Variants in RBM20 observed in about 807,000 individuals in gnomAD.
RBM20 encodes RNA-binding protein 20.
RBM20 carries 51 observed loss-of-function variants against 110.1 expected under a neutral mutation model. That is an observed-to-expected ratio of 0.46 (90% CI 0.37 to 0.59). The LOEUF (loss-of-function observed/expected upper bound fraction) is 0.59. RBM20 is among the 20% of genes least tolerant of loss of function. The pLI is 0.00. For missense variants in RBM20, 1,512 were observed against 1,574.9 expected (o/e 0.96, Z 0.68); for synonymous variants, 589 against 618.2 (o/e 0.95, Z 0.70).
intron 1 of RBM20, among the ~76,000 whole-genome samples, chr10:110,724,227 C>T (rs558644068): frequency 6.6e-6 from 1 of 152,248 alleles, no homozygotes; most frequent in African/African-American, 2.4e-5. Flanking sequence ...AATGACCAAA[C>T]AAAACAAAAC....
At chr10:110,826,448 A>G (rs1844982000) in intron 12 of RBM20, among the ~76,000 whole-genome samples, 2 of 152,094 alleles carry the variant, frequency 1.3e-5, no homozygotes, top group African/African-American at 4.8e-5. Flanking sequence ...TTCTGTCACT[A>G]AATATTAGTT....
At chr10:110,732,221 T>C (rs1843627027) in intron 1 of RBM20, among the ~76,000 whole-genome samples, 2 of 152,198 alleles carry the variant, frequency 1.3e-5, no homozygotes, top group South Asian at 2.1e-4. Context: ...TCATCTCCAC[T>C]TTTTTCTATT....
intron 9 of RBM20, among the ~76,000 whole-genome samples, chr10:110,814,356 G>T (rs1227559605): frequency 1.3e-5 from 2 of 149,790 alleles, no homozygotes; most frequent in African/African-American, 2.5e-5. Flanking sequence ...TATACAATGG[G>T]ACTCATGCCA....
chr10:110,712,213 T>C (rs986187813), intron 1 of RBM20, among the ~76,000 whole-genome samples: 1 of 152,172 alleles, frequency 6.6e-6, no homozygotes, highest in African/African-American at 2.4e-5. Flanking sequence ...TAATTGTGAG[T>C]TCATGTATGG....
chr10:110,678,204 T>C (rs1029823289), intron 1 of RBM20, among the ~76,000 whole-genome samples: 1 of 152,200 alleles, frequency 6.6e-6, no homozygotes, highest in African/African-American at 2.4e-5. Flanking sequence ...TACTCAAAAG[T>C]TTATCCACAC....
At chr10:110,779,004 A>G (rs4147101) in intron 1 of RBM20, among the ~76,000 whole-genome samples, 68,111 of 152,034 alleles carry the variant, frequency 0.45, 15,437 homozygotes, top group East Asian at 0.52. Context: ...TATTCCTTAT[A>G]CTAGTTAGGT....
chr10:110,669,154 G>A (rs755647017), intron 1 of RBM20, among the ~76,000 whole-genome samples: 4 of 152,164 alleles, frequency 2.6e-5, no homozygotes, highest in Admixed American at 6.5e-5. Flanking sequence ...TGGAGAATAA[G>A]CAGAAGATTA....
At chr10:110,728,438 A>G (rs538530770) in intron 1 of RBM20, among the ~76,000 whole-genome samples, 40 of 151,954 alleles carry the variant, frequency 2.6e-4, no homozygotes, top group African/African-American at 9.4e-4. Flanking sequence ...TTTTTTTTGG[A>G]TAAGGTTGAT....
At chr10:110,724,394 G>A (rs17829675) in intron 1 of RBM20, among the ~76,000 whole-genome samples, 15,164 of 152,230 alleles carry the variant, frequency 0.1, 970 homozygotes, top group Non-Finnish European at 0.14. Context: ...CAGCAAAATT[G>A]TGACTTCTTT....
chr10:110,830,339 A>T (rs1211946157), intron 12 of RBM20, among the ~76,000 whole-genome samples: 3 of 152,254 alleles, frequency 2.0e-5, no homozygotes, highest in African/African-American at 7.2e-5. Flanking sequence ...TGGAATCAAA[A>T]GGCCTCCCAG....
At chr10:110,718,492 ATAGT>A (rs1408355694) in intron 1 of RBM20, among the ~76,000 whole-genome samples, 6 of 148,074 alleles carry the variant, frequency 4.1e-5, no homozygotes, top group Admixed American at 2.0e-4. Context: ...ACATGCATAG[ATAGT>A]TTGTTTTATT....
intron 7 of RBM20, among the ~76,000 whole-genome samples, chr10:110,803,219 T>C (rs1937445093): frequency 6.6e-6 from 1 of 152,230 alleles, no homozygotes; most frequent in South Asian, 2.1e-4. Context: ...CTAATAGAAA[T>C]TCAGGAACTT....
intron 7 of RBM20, among the ~76,000 whole-genome samples, chr10:110,804,434 C>A (rs892425763): frequency 1.3e-4 from 20 of 152,310 alleles, no homozygotes; most frequent in African/African-American, 4.6e-4. Context: ...GGGAGAAATT[C>A]TGATTGCTCT....
At chr10:110,703,458 A>G (rs1223534306) in intron 1 of RBM20, among the ~76,000 whole-genome samples, 5 of 152,136 alleles carry the variant, frequency 3.3e-5, no homozygotes, top group Admixed American at 2.0e-4. Context: ...AATAATGATG[A>G]GATTTCCCAT....
chr10:110,745,628 A>T (rs562568105), intron 1 of RBM20, among the ~76,000 whole-genome samples: 9 of 152,138 alleles, frequency 5.9e-5, no homozygotes, highest in Admixed American at 5.9e-4. Context: ...TTGCATACGT[A>T]TCTTCTCCAA....
chr10:110,699,983 C>T (rs188774079), intron 1 of RBM20, among the ~76,000 whole-genome samples: 308 of 152,240 alleles, frequency 2.0e-3, no homozygotes, highest in African/African-American at 5.9e-3. Context: ...ATTCACGTCC[C>T]GGGTGGACAG....
At chr10:110,784,971 G>A (rs975373475) in intron 5 of RBM20, 82 bp downstream of exon 5, 4 of 912,934 alleles carry the variant, frequency 4.4e-6, no homozygotes, top group Non-Finnish European at 6.8e-6. Flanking sequence ...GAGACAGCCA[G>A]GCTGGAATGC....
rs1423439567 is a variant in RBM20 at position 110,709,634 on chromosome 10, G to A, written c.191+64989G>A. Among the ~76,000 whole-genome samples, 8 of 147,866 alleles carry A rather than the reference G, an allele frequency of 5.4e-5. No homozygotes were observed. In the East Asian group the frequency reaches 1.0e-3, roughly 18 times the overall value. ...CAGGCTGGAGTGCAGTGTTATGATC[G>A]TAGCTCACTGCAGCCTTGAACTCCT... is the stretch of plus-strand genomic sequence containing the variant. On this transcript the variant is annotated intron_variant, in intron 1 of 13. Transcript: ENST00000369519.
chr10:110,676,752 A>T (rs1168980124), intron 1 of RBM20, among the ~76,000 whole-genome samples: 1 of 151,962 alleles, frequency 6.6e-6, no homozygotes, highest in Admixed American at 6.6e-5. Context: ...TGTATCGTTG[A>T]TATAATCCAA....
Sources: gnomAD v4.1 joint callset for allele counts (sites outside exome capture counted in the v4.1 genomes callset) on GRCh38, gnomAD v4.1.1 for gene constraint, MANE v1.5 for transcripts, NCBI Gene and HGNC (gene_info 2026-07-23, HGNC 2026-07-21) for gene names.